VPS13C: variants seen among roughly 807,000 people sequenced by gnomAD.
The protein encoded by VPS13C is intermembrane lipid transfer protein VPS13C.
In VPS13C, 358 loss-of-function variants were observed where a neutral mutation model predicts 456.8. The observed-to-expected ratio is 0.78, with a 90% confidence interval of 0.72 to 0.86. The LOEUF is 0.86. Among genes scored for constraint, VPS13C ranks in the 40% least tolerant of loss-of-function variants. VPS13C has a pLI of 0.00. For synonymous variants in VPS13C, 1,578 were observed against 1,486.7 expected (o/e 1.06, Z -1.41); for missense variants, 4,818 against 4,385.4 (o/e 1.10, Z -2.79).
In VPS13C at chr15:61,981,373, T is replaced by C; in HGVS notation, c.2135A>G (p.Asp712Gly). 6.2e-7 allele frequency: 1 copy of C among 1,610,982 alleles called. No individual in the cohort carries two copies. Among genetic ancestry groups the C allele is most frequent in the Non-Finnish European group, 8.5e-7 (1 of 1,179,058 alleles). ...TGTACCAAAATCTAAAATCAGAAGA[T>C]CTGACTTTTCATGGTGGAAACCCGT... ...PQTGFHHEKS[D>G]LLILDFGTFQ... Residue 712 changes from aspartate to glycine, a missense_variant, in exon 22 of 85, where the codon GAT becomes GGT. Coordinates refer to ENST00000644861, the MANE Select transcript of VPS13C (RefSeq NM_020821.3).
At chr15:61,936,820 A>C (rs113898222) in intron 47 of VPS13C, 70 bp from the exon 48 acceptor site, 9 of 1,434,528 alleles carry the variant, frequency 6.3e-6, no homozygotes, top group African/African-American at 4.3e-5. Flanking sequence ...CTATATCTCG[A>C]TTTGTGGTTT....
intron 31 of VPS13C, 136 bp downstream of exon 31, chr15:61,964,563 C>T (rs992369456): frequency 1.7e-5 from 14 of 809,382 alleles, no homozygotes; most frequent in African/African-American, 1.6e-4. Context: ...ACATCAGGTG[C>T]TCGCATATAA....
chr15:61,926,132 T>A (rs551171557), intron 52 of VPS13C, among the ~76,000 whole-genome samples: 36 of 152,166 alleles, frequency 2.4e-4, no homozygotes, highest in Non-Finnish European at 4.4e-4. Context: ...GGTATGGTAG[T>A]GCATACCTAT....
chr15:61,913,443 T>C, intron 61 of VPS13C, 28 bp from the exon 62 acceptor site: 2 of 1,567,854 alleles, frequency 1.3e-6, no homozygotes, highest in Middle Eastern at 1.7e-4. Context: ...TATCGTCATA[T>C]AAGAAATCTA....
At chr15:62,002,380 T>C (rs556469329) in intron 15 of VPS13C, among the ~76,000 whole-genome samples, 21 of 152,324 alleles carry the variant, frequency 1.4e-4, no homozygotes, top group African/African-American at 4.6e-4. Context: ...GTTTTTTTCT[T>C]GTAAATTTGT....
At chr15:61,906,686 T>C (rs1160854851) in intron 66 of VPS13C, 1 of 154,822 alleles carries the variant, frequency 6.5e-6, no homozygotes, top group Non-Finnish European at 1.4e-5. Context: ...AACTGGATGA[T>C]ATATTACTAA....
At chr15:61,895,683 T>C (rs963877823) in intron 66 of VPS13C, among the ~76,000 whole-genome samples, 7 of 152,232 alleles carry the variant, frequency 4.6e-5, no homozygotes, top group Non-Finnish European at 1.0e-4. Context: ...GACATCATGT[T>C]AAGTGAAATA....
Position 61,867,150 on chromosome 15 carries a change from C to G in VPS13C, c.10863+1509G>C, listed in dbSNP as rs1174207501. ...GAAATCTATGTATTCAAGTGCCACA[C>G]AGCAATTTGCCTAATTACATGTTCA... On this transcript the variant is annotated intron_variant, in intron 81 of 84. Coordinates refer to ENST00000644861, the MANE Select transcript of VPS13C (RefSeq NM_020821.3). The surrounding 1 kb of genome is among the most constrained non-coding windows in gnomAD (Gnocchi z 5.0). 5.1e-6 allele frequency: 5 copies of G among 983,454 alleles called. No individual in the cohort carries two copies. The highest frequency in any genetic ancestry group is 5.2e-4 in the Middle Eastern group (1 of 1,928). The allele number at this position is 983,454 out of a possible 1,614,324, so 60.9% of individuals were successfully genotyped here. A position where few individuals can be genotyped will look rare whatever the true frequency, so the allele number is the denominator to read the frequency against.
intron 1 of VPS13C, among the ~76,000 whole-genome samples, chr15:62,055,440 A>G (rs1461049750): frequency 7.2e-6 from 1 of 139,650 alleles, no homozygotes; most frequent in African/African-American, 2.7e-5. Flanking sequence ...ACGGGGTTTC[A>G]CTGTGTTAGC....
chr15:62,029,264 ACTG>A (rs2047734304), intron 5 of VPS13C, among the ~76,000 whole-genome samples: 1 of 152,116 alleles, frequency 6.6e-6, no homozygotes, highest in Admixed American at 6.6e-5. Flanking sequence ...TTGAAGAGTG[ACTG>A]CTGAATAGTA....
intron 24 of VPS13C, among the ~76,000 whole-genome samples, chr15:61,975,580 C>T (rs1020481943): frequency 5.9e-5 from 9 of 152,098 alleles, no homozygotes; most frequent in African/African-American, 9.6e-5. Flanking sequence ...ACAGATCATA[C>T]AGAAGAATAG....
intron 39 of VPS13C, 34 bp from the exon 40 acceptor site, chr15:61,951,058 A>G (rs1360305070): frequency 3.6e-6 from 5 of 1,407,854 alleles, no homozygotes; most frequent in Non-Finnish European, 3.9e-6. Flanking sequence ...TGATCCATCA[A>G]TTAAACATTT....
chr15:62,017,488 T>A (rs1404716326), intron 9 of VPS13C, among the ~76,000 whole-genome samples: 3 of 152,216 alleles, frequency 2.0e-5, no homozygotes, highest in African/African-American at 7.2e-5. Context: ...GGATCCAGTT[T>A]CAGCTTTCTA....
chr15:62,024,766 C>A (rs1358890893), intron 6 of VPS13C, among the ~76,000 whole-genome samples: 1 of 152,108 alleles, frequency 6.6e-6, no homozygotes, highest in African/African-American at 2.4e-5. Context: ...CCTGTTCTAT[C>A]TCCTAACATG....
chr15:61,856,687 C>CTTTTTTTTTTTTTTTTTTT (rs542779595), intron 82 of VPS13C: 95 of 114,790 alleles, frequency 8.3e-4, no homozygotes, highest in African/African-American at 9.8e-4. Context: ...TTTTTCTTTT[C>CTTTTTTTTTTTTTTTTTTT]TTTTTTTTTT....
chr15:61,881,050 C>G (rs1028775354), intron 71 of VPS13C, 96 bp from the exon 72 acceptor site: 34 of 959,486 alleles, frequency 3.5e-5, no homozygotes, highest in Non-Finnish European at 4.5e-5. Context: ...ACAGTTATAT[C>G]TTGTTCCTTC....
intron 15 of VPS13C, among the ~76,000 whole-genome samples, chr15:62,003,236 T>G (rs2046701470): frequency 6.6e-6 from 1 of 151,222 alleles, no homozygotes; most frequent in Non-Finnish European, 1.5e-5. Flanking sequence ...GTCCTTCACG[T>G]CCTTTGTAAG....
chr15:61,913,442 A>G, intron 61 of VPS13C, 27 bp from the exon 62 acceptor site: 1 of 1,571,880 alleles, frequency 6.4e-7, no homozygotes, highest in South Asian at 1.1e-5. Flanking sequence ...ATATCGTCAT[A>G]TAAGAAATCT....
In VPS13C at chr15:61,880,734, AAAATC is replaced by A. The variant is rs1182278433; in HGVS notation, c.9889-17_9889-13del. ...TGGATTAACTTTGTCTGAAAAAAATAAAATCAAGAATTTCTATTTTAATTTTTTTC... is the reference window on the plus strand; with the variant it reads ...TGGATTAACTTTGTCTGAAAAAAATAAAGAATTTCTATTTTAATTTTTTTC... On this transcript the variant is annotated splice_polypyrimidine_tract_variant and intron_variant, in intron 72 of 84. Coordinates refer to ENST00000644861, the MANE Select transcript of VPS13C (RefSeq NM_020821.3). The A allele has an allele frequency of 2.6e-6, 4 of 1,551,606 alleles. No homozygotes were observed. The African/African-American group carries it at 5.6e-5, about 22-fold the overall frequency.
Sources: allele counts gnomAD v4.1 joint callset (sites outside exome capture counted in the v4.1 genomes callset), GRCh38; gene constraint gnomAD v4.1.1; non-coding constraint Gnocchi (gnomAD v3.1); transcripts MANE v1.5; gene names NCBI Gene and HGNC (gene_info 2026-07-23, HGNC 2026-07-21).